Variants in DDI2 observed in about 807,000 individuals in gnomAD.
DDI2 encodes protein DDI1 homolog 2.
Under a neutral mutation model 48.1 loss-of-function variants are expected in DDI2, and 5 were observed. The observed-to-expected ratio is 0.10, with a 90% CI of 0.05 to 0.22. The LOEUF is 0.22. Among genes scored for constraint, DDI2 ranks in the 10% least tolerant of loss-of-function variants. The probability of loss-of-function intolerance (pLI) is 1.00; values close to 1 mark genes in which losing one functional copy is unlikely to be tolerated. For missense variants in DDI2, 285 were observed against 506.2 expected, an observed-to-expected ratio of 0.56 and a Z score of 4.19; for synonymous variants, 205 against 183.6, an observed-to-expected ratio of 1.12 and a Z score of -0.94.
intron 3 of DDI2, among the ~76,000 whole-genome samples, chr1:15,632,937 A>ATTTTTT (rs1639869362): frequency 4.8e-5 from 6 of 124,240 alleles, no homozygotes; most frequent in African/African-American, 2.0e-4. Flanking sequence ...TTTTTAAAAA[A>ATTTTTT]AAAAAAACAG....
At chr1:15,650,823 T>C (rs1399566794) in intron 7 of DDI2, among the ~76,000 whole-genome samples, 1 of 152,214 alleles carries the variant, frequency 6.6e-6, no homozygotes, top group African/African-American at 2.4e-5. Context: ...AGATGCATCA[T>C]ATTGATAATA....
chr1:15,651,999 C>T, intron 8 of DDI2, 104 bp downstream of exon 8: 8 of 1,128,028 alleles, frequency 7.1e-6, no homozygotes, highest in Non-Finnish European at 9.5e-6. Context: ...TAATTAGTCT[C>T]ATGGTCCAGT....
rs183739286 is a variant in DDI2 at position 15,657,412 on chromosome 1, T to C, written c.*46+733T>C. 2.8e-4 allele frequency among the ~76,000 whole-genome samples: 42 copies of C among 152,326 alleles called. No homozygotes were observed. In the East Asian group the frequency reaches 7.9e-3, roughly 29 times the overall value. On this transcript the variant is annotated intron_variant, in intron 9 of 9. Transcript: ENST00000480945. ...TTAGTTTCTCTTCTTTCTTTCCTTT[T>C]TCTTTTCCTTGTAAGGATAGGTTAA...
At chr1:15,620,608 T>C (rs1223915289) in intron 1 of DDI2, among the ~76,000 whole-genome samples, 1 of 152,202 alleles carries the variant, frequency 6.6e-6, no homozygotes, top group Admixed American at 6.6e-5. Context: ...CCTGCCACTA[T>C]GTGTCCACAC....
intron 7 of DDI2, 128 bp from the exon 8 acceptor site, chr1:15,651,578 C>G: frequency 1.2e-6 from 1 of 836,768 alleles, no homozygotes; most frequent in Non-Finnish European, 1.7e-6. Context: ...CTCAGCCTCC[C>G]AAAGTGCTGG....
intron 3 of DDI2, among the ~76,000 whole-genome samples, chr1:15,630,879 T>C (rs1639832472): frequency 6.6e-6 from 1 of 152,242 alleles, no homozygotes; most frequent in African/African-American, 2.4e-5. Flanking sequence ...AGTCTTGCTC[T>C]TTCGCCCAGG....
rs1483990366 is a variant in DDI2, at chr1:15,661,166, C to T, written c.*1376C>T. The T allele has an allele frequency of 1.9e-6, 3 of 1,614,110 alleles. No homozygotes were observed. The highest frequency in any genetic ancestry group is 1.7e-6 in the Non-Finnish European group (2 of 1,180,002). ...GAGACAGAAAAATTAACAGGTACTT[C>T]ATCTGACACTGGAAGAGAAGCTGTA... is the stretch of plus-strand genomic sequence containing the variant. On this transcript the variant is annotated 3_prime_UTR_variant, in exon 10 of 10. Transcript: ENST00000480945.
chr1:15,649,225 G>A (rs879388672), intron 6 of DDI2, among the ~76,000 whole-genome samples: 15 of 152,142 alleles, frequency 9.9e-5, no homozygotes, highest in Admixed American at 2.0e-4. Context: ...TTAGCTGGGC[G>A]TGGTGGTGCG....
chr1:15,625,417 G>A (rs1639736837), intron 1 of DDI2, among the ~76,000 whole-genome samples: 1 of 139,792 alleles, frequency 7.2e-6, no homozygotes, highest in African/African-American at 2.8e-5. Context: ...ATAATGCAGG[G>A]CAGATTTTAT....
intron 6 of DDI2, among the ~76,000 whole-genome samples, chr1:15,644,565 C>G (rs376310668): frequency 1.1e-5 from 1 of 91,216 alleles, no homozygotes; most frequent in Admixed American, 1.0e-4. Flanking sequence ...TGAAAGTTTT[C>G]TTTTTCTTTT....
intron 8 of DDI2, 147 bp downstream of exon 8, chr1:15,652,042 T>A (rs1050749409): frequency 5.5e-5 from 18 of 325,948 alleles, no homozygotes; most frequent in Admixed American, 1.6e-4. Context: ...CTTCTTAACC[T>A]CCTTCTTTGA....
Position 15,660,189 on chromosome 1 carries a change from A to T in DDI2, c.*399A>T, listed in dbSNP as rs781280583. 6.2e-7 allele frequency: 1 copy of T among 1,614,110 alleles called. No homozygotes were observed. The highest frequency in any genetic ancestry group is 1.3e-5 in the African/African-American group (1 of 74,946). The stretch of plus-strand genomic sequence containing the variant: ...ATTCATCCGAAGAAATAACTGTTGC[A>T]GGTAATCTGGAGAAATCTGCTGAAA... On this transcript the variant is annotated 3_prime_UTR_variant, in exon 10 of 10. Transcript: ENST00000480945.
rs896708221 is a variant in DDI2, at chr1:15,649,800, C to T, written c.970C>T (p.Leu324=). ...ACAGCCCATGGACATGCTTCTGGGA[C>T]TGGACATGCTTAAACGGCACCAGGT... ...EEQPMDMLLG[L]DMLKRHQCSI... The change falls in exon 7 of 10, where the codon CTG becomes TTG. Residue 324 remains leucine, a synonymous_variant. Transcript: ENST00000480945. 23 of 1,612,488 alleles carry T rather than the reference C, an allele frequency of 1.4e-5. 1 individual carries two copies. In the Middle Eastern group the frequency reaches 4.9e-4, roughly 35 times the overall value.
chr1:15,632,124 A>G lies in DDI2; in HGVS notation c.506-1315A>G, dbSNP rs552674281. 3.3e-5 allele frequency among the ~76,000 whole-genome samples: 5 copies of G among 152,132 alleles called. No individual in the cohort carries two copies. In the South Asian group the frequency reaches 1.0e-3, roughly 32 times the overall value. On this transcript the variant is annotated intron_variant, in intron 3 of 9. Coordinates refer to ENST00000480945, the MANE Select transcript of DDI2 (RefSeq NM_032341.5). ...CAGCTCGTGTTAGGCTTTTCACTCA[A>G]CTTAATGCTTTTTAGATCCATCTGT...
intron 3 of DDI2, among the ~76,000 whole-genome samples, chr1:15,633,207 G>T (rs1041916878): frequency 4.6e-5 from 7 of 152,152 alleles, no homozygotes; most frequent in Admixed American, 2.0e-4. Flanking sequence ...GAGATTATAG[G>T]CATGAGCTAC....
intron 4 of DDI2, among the ~76,000 whole-genome samples, chr1:15,634,597 A>G (rs1639899770): frequency 7.5e-6 from 1 of 133,908 alleles, no homozygotes; most frequent in African/African-American, 3.0e-5. Flanking sequence ...CAGTGGCACA[A>G]TCACAGCTCA....
Position 15,651,744 on chromosome 1 carries a change from C to T in DDI2, c.1032C>T (p.Gly344=), listed in dbSNP as rs759313993. Reference sequence around the variant, plus strand: ...TGAAGAAAAATGTACTCGTGATCGGCACCACAGGCTCCCAGACCACCTTTC... The same window carrying T: ...TGAAGAAAAATGTACTCGTGATCGGTACCACAGGCTCCCAGACCACCTTTC... The part of the protein sequence containing the change: ...IDLKKNVLVI[G]TTGSQTTFLP... The change falls in exon 8 of 10, where the codon GGC becomes GGT. Residue 344 remains glycine (G), a synonymous_variant. Coordinates refer to ENST00000480945, the MANE Select transcript of DDI2 (RefSeq NM_032341.5). 2.2e-5 allele frequency: 35 copies of T among 1,613,078 alleles called. No homozygotes were observed. The Admixed American group carries it at 2.3e-4, about 11-fold the overall frequency.
intron 6 of DDI2, 97 bp from the exon 7 acceptor site, chr1:15,649,623 A>G: frequency 8.1e-7 from 1 of 1,228,142 alleles, no homozygotes; most frequent in Non-Finnish European, 1.1e-6. Flanking sequence ...ATCAGCCAGG[A>G]TTATGCCATT....
intron 1 of DDI2, among the ~76,000 whole-genome samples, chr1:15,618,645 C>G (rs72647113): frequency 0.21 from 31,654 of 152,138 alleles, 3,442 homozygotes; most frequent in Middle Eastern, 0.26. Flanking sequence ...AGTTCAGCCT[C>G]TCATATTTTA....
Sources: gnomAD v4.1 joint callset for allele counts (sites outside exome capture counted in the v4.1 genomes callset) on GRCh38, gnomAD v4.1.1 for gene constraint, MANE v1.5 for transcripts, NCBI Gene and HGNC (gene_info 2026-07-23, HGNC 2026-07-21) for gene names.